The following SDK2 variants were observed in gnomAD, a reference collection of about 807,000 sequenced individuals.
SDK2 encodes sidekick cell adhesion molecule 2.
A neutral mutation model predicts 253.9 loss-of-function variants in SDK2; 105 were observed. The observed-to-expected ratio is 0.41, with a 90% confidence interval of 0.35 to 0.49. The LOEUF is 0.49. Ranked by LOEUF, SDK2 falls within the 20% of genes least tolerant of loss-of-function variation. The probability of loss-of-function intolerance (pLI) is 0.06; values close to 1 mark genes in which losing one functional copy is unlikely to be tolerated. For synonymous variants in SDK2, 1,249 were observed against 1,234.9 expected, an observed-to-expected ratio of 1.01 and a Z score of -0.24; for missense variants, 2,608 against 3,003.0, an observed-to-expected ratio of 0.87 and a Z score of 3.07.
rs76745918 is a variant in SDK2 at position 73,546,658 on chromosome 17, T to C, written c.65-39061A>G. 4.3e-3 allele frequency among the ~76,000 whole-genome samples: 662 copies of C among 152,284 alleles called. 5 individuals carry two copies. Among genetic ancestry groups the C allele is most frequent in the African/African-American group, 0.015 (616 of 41,560 alleles). ...AGGTGTGGCTCAGAGACCCCTGGCA[T>C]GGTGGTGGGGAGACCTCGCTTCCTG... On this transcript the variant is annotated intron_variant, in intron 1 of 44. Transcript: ENST00000392650.
chr17:73,489,106 C>T (rs965620063), intron 2 of SDK2, among the ~76,000 whole-genome samples: 1 of 152,162 alleles, frequency 6.6e-6, no homozygotes, highest in African/African-American at 2.4e-5. Flanking sequence ...ACAACAAAAG[C>T]AATAGCAATA....
chr17:73,334,587 A>G lies in SDK2; in HGVS notation c.*4000T>C, dbSNP rs1293249220. On this transcript the variant is annotated 3_prime_UTR_variant, in exon 45 of 45. Transcript: ENST00000392650. ...AATACTCTCCCCATAATTTTTTGTT[A>G]TATCTTTTAAATCAAAAAATAAAGA... 2 of 152,152 alleles carry G rather than the reference A, an allele frequency of 1.3e-5. No individual in the cohort carries two copies. The highest frequency in any genetic ancestry group is 2.9e-5 in the Non-Finnish European group (2 of 68,024). The allele number at this position is 152,152 out of a possible 1,614,324, so 9.4% of individuals were successfully genotyped here. A position where few individuals can be genotyped will look rare whatever the true frequency, so the allele number is the denominator to read the frequency against.
intron 1 of SDK2, among the ~76,000 whole-genome samples, chr17:73,536,568 A>T (rs946211826): frequency 6.6e-6 from 1 of 152,180 alleles, no homozygotes; most frequent in Non-Finnish European, 1.5e-5. Flanking sequence ...AGAGCTGACC[A>T]GGGGGGCCAC....
chr17:73,521,297 T>C (rs1265879913), intron 1 of SDK2: 1 of 151,892 alleles, frequency 6.6e-6, no homozygotes, highest in Non-Finnish European at 1.5e-5. Flanking sequence ...CACCTCGGCC[T>C]CCCAAAGTGC....
intron 4 of SDK2, among the ~76,000 whole-genome samples, chr17:73,448,071 A>G (rs1474160753): frequency 6.6e-6 from 1 of 152,136 alleles, no homozygotes; most frequent in African/African-American, 2.4e-5. Context: ...ATCCCCTTGG[A>G]ATTCTGCCCT....
At chr17:73,568,757 C>T (rs369490379) in intron 1 of SDK2, among the ~76,000 whole-genome samples, 2 of 149,682 alleles carry the variant, frequency 1.3e-5, no homozygotes, top group African/African-American at 5.0e-5. Context: ...ATTCAAGAGG[C>T]TCAATGAACC....
rs76751539 is a variant in SDK2 at position 73,352,265 on chromosome 17, G to A, written c.5758+208C>T. Among the ~76,000 whole-genome samples the A allele has an allele frequency of 4.6e-3, 695 of 152,286 alleles. 9 individuals carry two copies. Among genetic ancestry groups the A allele is most frequent in the African/African-American group, 0.016 (653 of 41,556 alleles). ...TTCCTTGAAAGGGAGCCCCAAAGATGAAGATCCCTAGTTTCCTCTGGTCTT... is the reference window on the plus strand; with the variant it reads ...TTCCTTGAAAGGGAGCCCCAAAGATAAAGATCCCTAGTTTCCTCTGGTCTT... On this transcript the variant is annotated intron_variant, in intron 41 of 44. Coordinates refer to ENST00000392650, the MANE Select transcript of SDK2 (RefSeq NM_001144952.2). This position sits in a 1 kb window ranked among gnomAD's most constrained non-coding sequence, Gnocchi z 4.1.
intron 3 of SDK2, among the ~76,000 whole-genome samples, chr17:73,471,092 G>C (rs985323383): frequency 6.6e-6 from 1 of 152,088 alleles, no homozygotes; most frequent in Non-Finnish European, 1.5e-5. Flanking sequence ...TTGGCGGCAC[G>C]GGGGAGAAGG....
At chr17:73,478,390 T>C (rs1170769939) in intron 2 of SDK2, among the ~76,000 whole-genome samples, 1 of 151,836 alleles carries the variant, frequency 6.6e-6, no homozygotes, top group Non-Finnish European at 1.5e-5. Flanking sequence ...CAGCAGGCGG[T>C]AGAGAGAGCA....
intron 2 of SDK2, among the ~76,000 whole-genome samples, chr17:73,493,344 C>G (rs535838287): frequency 5.3e-5 from 8 of 152,316 alleles, no homozygotes; most frequent in African/African-American, 1.4e-4. Flanking sequence ...AAGGCGGCGG[C>G]GAGTGCTTCA....
At chr17:73,405,051 A>C (rs375478266) in intron 18 of SDK2, among the ~76,000 whole-genome samples, 1 of 149,374 alleles carries the variant, frequency 6.7e-6, no homozygotes, top group African/African-American at 2.5e-5. Flanking sequence ...GGTTTCAGGG[A>C]GGAGCAGGTG....
At chr17:73,509,728 T>C (rs370502589) in intron 1 of SDK2, among the ~76,000 whole-genome samples, 1 of 148,162 alleles carries the variant, frequency 6.7e-6, no homozygotes, top group East Asian at 2.0e-4. Flanking sequence ...TGAAATCCCA[T>C]CTCTACGAAA....
chr17:73,610,840 CGTGT>C (rs143396100), intron 1 of SDK2, among the ~76,000 whole-genome samples: 131 of 148,756 alleles, frequency 8.8e-4, no homozygotes, highest in African/African-American at 3.0e-3. Flanking sequence ...TGTGCGTGTG[CGTGT>C]GTGTGTGTGT....
At chr17:73,599,721 C>T (rs1178228157) in intron 1 of SDK2, among the ~76,000 whole-genome samples, 1 of 152,142 alleles carries the variant, frequency 6.6e-6, no homozygotes, top group African/African-American at 2.4e-5. Context: ...CATTCCACCA[C>T]CCTAAGCCAT....
At chr17:73,354,859 C>T (rs1249951922) in intron 40 of SDK2, among the ~76,000 whole-genome samples, 1 of 152,038 alleles carries the variant, frequency 6.6e-6, no homozygotes, top group Non-Finnish European at 1.5e-5. Flanking sequence ...TCAAGGCCGC[C>T]CTTCCCCAGG....
In SDK2 at chr17:73,423,538, G is replaced by A. The variant is rs200338601; in HGVS notation, c.1761-16C>T. The A allele has an allele frequency of 4.0e-5, 61 of 1,534,876 alleles. No homozygotes were observed. Among genetic ancestry groups the A allele is most frequent in the African/African-American group, 2.9e-4 (21 of 72,702 alleles). ...GGGCAGTTGCCTGGAAAAGAGACAC[G>A]TGGTCAGGCATCCCTATGTGGTCTG... On this transcript the variant is annotated splice_polypyrimidine_tract_variant and intron_variant, in intron 13 of 44. Coordinates refer to ENST00000392650, the MANE Select transcript of SDK2 (RefSeq NM_001144952.2).
intron 1 of SDK2, among the ~76,000 whole-genome samples, chr17:73,590,926 T>A (rs943779793): frequency 6.6e-6 from 1 of 152,174 alleles, no homozygotes; most frequent in African/African-American, 2.4e-5. Context: ...TATGTTTATT[T>A]ATTTATTTTT....
intron 29 of SDK2, among the ~76,000 whole-genome samples, chr17:73,389,866 C>T (rs933684038): frequency 7.2e-5 from 11 of 152,242 alleles, no homozygotes; most frequent in Non-Finnish European, 1.5e-4. Context: ...TCTCGTGTCT[C>T]AGCTTCCTGA....
At chr17:73,533,683 A>AC (rs1415559197) in intron 1 of SDK2, among the ~76,000 whole-genome samples, 2 of 40,314 alleles carry the variant, frequency 5.0e-5, no homozygotes, top group African/African-American at 1.8e-4. Flanking sequence ...CCAGCCCCCC[A>AC]CCCCCCCACC....
Sources: gnomAD v4.1 joint callset for allele counts (sites outside exome capture counted in the v4.1 genomes callset) on GRCh38, gnomAD v4.1.1 for gene constraint, Gnocchi (gnomAD v3.1) non-coding constraint, MANE v1.5 for transcripts, NCBI Gene and HGNC (gene_info 2026-07-23, HGNC 2026-07-21) for gene names.